The following HKDC1 variants were observed in gnomAD, a reference collection of about 807,000 sequenced individuals.
HKDC1 encodes hexokinase domain containing 1.
Under a neutral mutation model 96.6 loss-of-function variants are expected in HKDC1, and 66 were observed. The ratio of observed to expected loss-of-function variants is 0.68; its 90% CI spans 0.56 to 0.84. The LOEUF (loss-of-function observed/expected upper bound fraction) is 0.84. HKDC1 is among the 40% of genes least tolerant of loss of function. HKDC1 has a pLI of 0.00. For synonymous variants in HKDC1, 466 were observed against 473.1 expected, an observed-to-expected ratio of 0.98 and a Z score of 0.20; for missense variants, 1,211 against 1,208.1, an observed-to-expected ratio of 1.00 and a Z score of -0.04.
At chr10:69,225,475 T>C (rs1251803987) in intron 1 of HKDC1, among the ~76,000 whole-genome samples, 2 of 152,190 alleles carry the variant, frequency 1.3e-5, no homozygotes, top group Non-Finnish European at 1.5e-5. Flanking sequence ...TTCTCAAATA[T>C]GCTGAAAGCT....
intron 16 of HKDC1, among the ~76,000 whole-genome samples, chr10:69,263,702 G>T (rs181230609): frequency 6.6e-6 from 1 of 152,308 alleles, no homozygotes; most frequent in East Asian, 1.9e-4. Flanking sequence ...CCCCAGGATT[G>T]CTCTGAGGAT....
chr10:69,237,279 G>GTCTGTGTC (rs554835110), intron 4 of HKDC1, among the ~76,000 whole-genome samples: 3 of 86,600 alleles, frequency 3.5e-5, no homozygotes, highest in African/African-American at 2.4e-4. Flanking sequence ...AAATTTCTTT[G>GTCTGTGTC]TGTGTGTGTG....
chr10:69,227,575 C>T (rs1843181150), intron 2 of HKDC1, among the ~76,000 whole-genome samples: 1 of 151,830 alleles, frequency 6.6e-6, no homozygotes, highest in Non-Finnish European at 1.5e-5. Flanking sequence ...GGCTTCTCTG[C>T]CCATCGTGGC....
chr10:69,230,406 C>G (rs1033244322), intron 2 of HKDC1, among the ~76,000 whole-genome samples: 2 of 152,110 alleles, frequency 1.3e-5, no homozygotes, highest in African/African-American at 4.8e-5. Flanking sequence ...AGCCCCTCCC[C>G]CTGGGGACTC....
intron 1 of HKDC1, among the ~76,000 whole-genome samples, chr10:69,224,383 A>G (rs1038502628): frequency 6.6e-6 from 1 of 152,034 alleles, no homozygotes; most frequent in African/African-American, 2.4e-5. Context: ...TCCTGGGTTC[A>G]TGCCATTCTC....
In HKDC1 at chr10:69,241,808, A is replaced by T. The variant is rs75762662; in HGVS notation, c.691+1057A>T. Among the ~76,000 whole-genome samples the T allele has an allele frequency of 7.2e-3, 1,094 of 152,214 alleles. 18 individuals carry two copies. The highest frequency in any genetic ancestry group is 0.025 in the African/African-American group (1,033 of 41,510). On this transcript the variant is annotated intron_variant, in intron 6 of 17. Coordinates refer to ENST00000354624, the MANE Select transcript of HKDC1 (RefSeq NM_025130.4). ...CCGGATGTGCATTTTTTAAAAGCCC[A>T]TTTTGGCTGCTGTGTGGATAATAGA...
Position 69,261,141 on chromosome 10 carries a change from A to G in HKDC1, c.2219A>G (p.Tyr740Cys). 1.2e-6 allele frequency: 2 copies of G among 1,612,490 alleles called. No individual in the cohort carries two copies. Among genetic ancestry groups the G allele is most frequent in the South Asian group, 2.2e-5 (2 of 91,044 alleles). ...CCTTATCCTTCTTCTCCAAACAGAT[A>G]CGAGAAAATGACCAGTGGGATGTAC... ...EGSLNPGKQR[Y>C]EKMTSGMYLG... The change falls in exon 16 of 18, where the codon TAC becomes TGC. Residue 740 changes from tyrosine to cysteine, a missense_variant and splice_region_variant. Transcript: ENST00000354624.
intron 1 of HKDC1, among the ~76,000 whole-genome samples, chr10:69,226,407 G>A (rs1843155587): frequency 1.3e-5 from 2 of 152,152 alleles, no homozygotes; most frequent in Admixed American, 1.3e-4. Flanking sequence ...AGCACTTTGG[G>A]AGGCCGAGGC....
intron 5 of HKDC1, among the ~76,000 whole-genome samples, chr10:69,239,673 C>A (rs72814220): frequency 0.11 from 16,577 of 152,142 alleles, 1,085 homozygotes; most frequent in Middle Eastern, 0.17. Flanking sequence ...CAGCAAGAGG[C>A]ATGTTTGCTG....
chr10:69,227,158 A>G (rs1843171154), intron 1 of HKDC1, 49 bp from the exon 2 acceptor site: 2 of 1,604,368 alleles, frequency 1.2e-6, no homozygotes, highest in East Asian at 4.5e-5. Flanking sequence ...CCTCGACTGG[A>G]GGGTGAGGGC....
At chr10:69,227,516 C>T (rs575188837) in intron 2 of HKDC1, 147 bp downstream of exon 2, 5 of 850,184 alleles carry the variant, frequency 5.9e-6, no homozygotes, top group East Asian at 5.3e-5. Flanking sequence ...TGCTTCAGTC[C>T]TGCTGAATCC....
Sources: allele counts gnomAD v4.1 joint callset (sites outside exome capture counted in the v4.1 genomes callset), GRCh38; gene constraint gnomAD v4.1.1; transcripts MANE v1.5; gene names NCBI Gene and HGNC (gene_info 2026-07-23, HGNC 2026-07-21).